The following ANGPTL6 variants were observed in gnomAD, a reference collection of about 807,000 sequenced individuals.
ANGPTL6 encodes angiopoietin-related protein 6.
In ANGPTL6, 45 loss-of-function variants were observed where a neutral mutation model predicts 47.4. The ratio of observed to expected loss-of-function variants is 0.95; its 90% CI spans 0.75 to 1.22. The LOEUF is 1.22. Ranked by LOEUF, ANGPTL6 falls within the 50% of genes most tolerant of loss-of-function variation. The pLI is 0.00. For synonymous variants in ANGPTL6, 290 were observed against 295.9 expected (o/e 0.98, Z 0.20); for missense variants, 698 against 669.4 (o/e 1.04, Z -0.47).
chr19:10,102,356 G>A (rs1477783088), intron 1 of ANGPTL6, among the ~76,000 whole-genome samples: 1 of 151,510 alleles, frequency 6.6e-6, no homozygotes. Context: ...TCCGGGGGTA[G>A]GGTCCTCTCT....
chr19:10,099,884 G>A (rs1317995949), intron 1 of ANGPTL6, among the ~76,000 whole-genome samples: 1 of 117,132 alleles, frequency 8.5e-6, no homozygotes, highest in Non-Finnish European at 1.8e-5. Flanking sequence ...TCTCCCCCAC[G>A]CCCTCTTTTT....
At chr19:10,094,605 C>T in intron 3 of ANGPTL6, 153 bp downstream of exon 3, 2 of 950,778 alleles carry the variant, frequency 2.1e-6, no homozygotes, top group Non-Finnish European at 3.2e-6. Flanking sequence ...CTTGTTTCTC[C>T]TATTTTCACA....
At chr19:10,104,876 G>A (rs1044317676), upstream of ANGPTL6, among the ~76,000 whole-genome samples, 6 of 152,102 alleles carry the variant, frequency 3.9e-5, no homozygotes, top group African/African-American at 1.2e-4. Context: ...GTTGACACCC[G>A]GAAACCTATC....
intron 1 of ANGPTL6, among the ~76,000 whole-genome samples, chr19:10,101,531 G>A (rs181010903): frequency 6.6e-6 from 1 of 152,222 alleles, no homozygotes; most frequent in Non-Finnish European, 1.5e-5. Flanking sequence ...AAAGGGGCCA[G>A]GCACGGTGGC....
intron 1 of ANGPTL6, among the ~76,000 whole-genome samples, chr19:10,098,757 G>A (rs1163217819): frequency 1.3e-5 from 2 of 151,832 alleles, no homozygotes; most frequent in Non-Finnish European, 2.9e-5. Context: ...CTGGGAGGTG[G>A]AGGTTGCAGT....
intron 1 of ANGPTL6, 58 bp from the exon 2 acceptor site, chr19:10,096,631 CCG>C (rs1002404787): frequency 1.5e-6 from 2 of 1,300,356 alleles, no homozygotes; most frequent in African/African-American, 3.1e-5. Context: ...CGAGACCCCT[CCG>C]CTTCCACGCG....
At chr19:10,105,183 G>C (rs2088787550), upstream of ANGPTL6, among the ~76,000 whole-genome samples, 1 of 152,274 alleles carries the variant, frequency 6.6e-6, no homozygotes, top group African/African-American at 2.4e-5. Context: ...GGTCGTCCCA[G>C]ATCTGAGAGA....
rs75152722 is a variant in ANGPTL6, at chr19:10,096,933, A to C, written c.-10-360T>G. On this transcript the variant is annotated intron_variant, in intron 1 of 5. Transcript: ENST00000253109. ...ACATGGGGAGACCCCTGTCTCTACAAAAAAAAAAAAAAAAAATTAGACAGA... is the reference window on the plus strand; with the variant it reads ...ACATGGGGAGACCCCTGTCTCTACACAAAAAAAAAAAAAAAATTAGACAGA... 6.1e-3 allele frequency among the ~76,000 whole-genome samples: 13 copies of C among 2,122 alleles called. No individual in the cohort carries two copies. The South Asian group carries it at 0.098, about 16-fold the overall frequency. 1.4% of individuals were successfully genotyped at this position (2,122 alleles called of 152,430 possible).
chr19:10,104,857 G>T (rs1360702049), upstream of ANGPTL6, among the ~76,000 whole-genome samples: 1 of 152,066 alleles, frequency 6.6e-6, no homozygotes, highest in East Asian at 1.9e-4. Flanking sequence ...TACAAAACAG[G>T]TACACACAGT....
Position 10,093,717 on chromosome 19 carries a change from G to A in ANGPTL6, c.927C>T (p.Phe309=), listed in dbSNP as rs1387963528. Residue 309 remains phenylalanine, a synonymous_variant, in exon 4 of 6, where the codon TTC becomes TTT. Coordinates refer to ENST00000253109, the MANE Select transcript of ANGPTL6 (RefSeq NM_031917.3). ...IQRRQDGSVN[F]FTTWQHYKAG... ...CCTTATAGTGCTGCCAGGTAGTGAA[G>A]AAGTTGACTGAACCATCTTGCCTCC... The A allele has an allele frequency of 1.2e-6, 2 of 1,614,142 alleles. No individual in the cohort carries two copies. Among genetic ancestry groups the A allele is most frequent in the Admixed American group, 1.7e-5 (1 of 60,012 alleles).
chr19:10,098,643 A>G (rs1234652032), intron 1 of ANGPTL6, among the ~76,000 whole-genome samples: 1 of 152,012 alleles, frequency 6.6e-6, no homozygotes, highest in Non-Finnish European at 1.5e-5. Flanking sequence ...TGACCAACAT[A>G]GTGAAACCCC....
intron 1 of ANGPTL6, among the ~76,000 whole-genome samples, chr19:10,099,549 C>T (rs1316131956): frequency 7.1e-6 from 1 of 139,968 alleles, no homozygotes; most frequent in Admixed American, 7.6e-5. Flanking sequence ...TGCACTCTAG[C>T]CTGGGCAACA....
chr19:10,092,537 G>T lies in ANGPTL6; in HGVS notation c.*52C>A. 1 of 1,550,398 alleles carries T rather than the reference G, an allele frequency of 6.4e-7. No individual in the cohort carries two copies. The highest frequency in any genetic ancestry group is 1.2e-5 in the South Asian group (1 of 81,582). ...AAGAAGGTGTGGCCAGAACAACTTG[G>T]GCTCCTGCTGACCAATGTCCTCTAG... On this transcript the variant is annotated 3_prime_UTR_variant, in exon 6 of 6. Transcript: ENST00000253109.
Position 10,096,502 on chromosome 19 carries a change from C to A in ANGPTL6, c.62G>T (p.Arg21Leu), listed in dbSNP as rs1568471525. 2.0e-6 allele frequency: 3 copies of A among 1,512,908 alleles called. No homozygotes were observed. The East Asian group carries it at 8.0e-5, about 40-fold the overall frequency. 93.7% of individuals were successfully genotyped at this position (1,512,908 alleles called of 1,614,324 possible). A position where few individuals can be genotyped will look rare whatever the true frequency, so the allele number is the denominator to read the frequency against. The stretch of plus-strand genomic sequence containing the variant: ...GTAGGTGCAGCGCGGGGCGCCCGCC[C>A]GCGCCCACGACGCGCCCAGCAGGAG... ...LLLLLGASWA[R>L]AGAPRCTYTF... Residue 21 changes from arginine to leucine, a missense_variant, in exon 2 of 6, where the codon CGG becomes CTG. Arg to Leu is a moderately radical substitution (Grantham distance 102). Coordinates refer to ENST00000253109, the MANE Select transcript of ANGPTL6 (RefSeq NM_031917.3).
In ANGPTL6 at chr19:10,096,070, C is replaced by T; in HGVS notation, c.494G>A (p.Arg165His). 1 of 1,484,264 alleles carries T rather than the reference C, an allele frequency of 6.7e-7. No homozygotes were observed. The highest frequency in any genetic ancestry group is 8.9e-7 in the Non-Finnish European group (1 of 1,118,030). 91.9% of individuals were successfully genotyped at this position (1,484,264 alleles called of 1,614,324 possible). The change falls in exon 2 of 6, where the codon CGC becomes CAC. Residue 165 changes from arginine (R) to histidine (H), a missense_variant. Transcript: ENST00000253109. ...ARFHQLDVKF[R>H]ELAQLVTQQS... Reference sequence around the variant, plus strand: ...CTGGGTGACGAGCTGCGCCAGCTCGCGGAACTTGACGTCCAGCTGGTGGAA... The same window carrying T: ...CTGGGTGACGAGCTGCGCCAGCTCGTGGAACTTGACGTCCAGCTGGTGGAA...
At chr19:10,104,747 A>T (rs959669065), upstream of ANGPTL6, among the ~76,000 whole-genome samples, 1 of 152,198 alleles carries the variant, frequency 6.6e-6, no homozygotes, top group African/African-American at 2.4e-5. Context: ...TCACACACAC[A>T]TCACAACTTA....
intron 1 of ANGPTL6, among the ~76,000 whole-genome samples, chr19:10,099,411 C>T (rs2088623972): frequency 6.6e-6 from 1 of 151,926 alleles, no homozygotes; most frequent in Non-Finnish European, 1.5e-5. Flanking sequence ...CCCGTCTCTA[C>T]TGAAAATACA....
Position 10,096,069 on chromosome 19 carries a change from G to A in ANGPTL6, c.495C>T (p.Arg165=), listed in dbSNP as rs1228416948. The change falls in exon 2 of 6, where the codon CGC becomes CGT. Residue 165 remains arginine (R), a synonymous_variant. Coordinates refer to ENST00000253109, the MANE Select transcript of ANGPTL6 (RefSeq NM_031917.3). ...ARFHQLDVKF[R]ELAQLVTQQS... ...GCTGGGTGACGAGCTGCGCCAGCTC[G>A]CGGAACTTGACGTCCAGCTGGTGGA... 1 of 1,484,480 alleles carries A rather than the reference G, an allele frequency of 6.7e-7. No individual in the cohort carries two copies. Among genetic ancestry groups the A allele is most frequent in the Non-Finnish European group, 8.9e-7 (1 of 1,118,368 alleles). 92.0% of individuals were successfully genotyped at this position (1,484,480 alleles called of 1,614,324 possible).
At chr19:10,093,042 C>T (rs2088432451) in intron 5 of ANGPTL6, 1 of 485,660 alleles carries the variant, frequency 2.1e-6, no homozygotes. Context: ...AGGAGTCTAC[C>T]GTTCATTCCT....
Sources: allele counts gnomAD v4.1 joint callset (sites outside exome capture counted in the v4.1 genomes callset), GRCh38; gene constraint gnomAD v4.1.1; transcripts MANE v1.5; gene names NCBI Gene and HGNC (gene_info 2026-07-23, HGNC 2026-07-21).